NOX4: variants seen among roughly 807,000 people sequenced by gnomAD.
NOX4 encodes NADPH oxidase 4, also known as kidney oxidase-1.
In NOX4, 69 loss-of-function variants were observed where a neutral mutation model predicts 87.6. The observed-to-expected ratio is 0.79, with a 90% confidence interval of 0.65 to 0.96. The LOEUF is 0.96. NOX4 is among the 40% of genes least tolerant of loss of function. The pLI, the probability that NOX4 is intolerant of heterozygous loss-of-function variation, is 0.00. For synonymous variants in NOX4, 275 were observed against 238.2 expected (o/e 1.15, Z -1.42); for missense variants, 680 against 681.5 (o/e 1.00, Z 0.02).
At chr11:89,488,901 GGTTTTTCCATTATATT>G in intron 2 of NOX4, 1 of 652,410 alleles carries the variant, frequency 1.5e-6, no homozygotes, top group South Asian at 1.7e-5. Context: ...TTTATTTGTT[GGTTTTTCCATTATATT>G]GTAAGCAACT....
At chr11:89,550,084 A>G in the NOX4 span, among the ~76,000 whole-genome samples, 1 of 152,250 alleles carries the variant, frequency 6.6e-6, no homozygotes, top group South Asian at 2.1e-4. Context: ...ACCATCTTTC[A>G]CAATGCTGGA....
intron 8 of NOX4, among the ~76,000 whole-genome samples, chr11:89,403,921 T>C (rs1418899836): frequency 2.0e-5 from 3 of 152,186 alleles, no homozygotes; most frequent in Non-Finnish European, 2.9e-5. Flanking sequence ...TCTTTGCTTA[T>C]GCTCACTTCC....
chr11:89,511,967 T>C, the NOX4 span, among the ~76,000 whole-genome samples: 3 of 152,086 alleles, frequency 2.0e-5, no homozygotes, highest in African/African-American at 7.2e-5. Context: ...TGTTTGCAGA[T>C]TACAGATGTA....
chr11:89,362,214 A>C (rs1938581385), intron 12 of NOX4, among the ~76,000 whole-genome samples: 1 of 151,642 alleles, frequency 6.6e-6, no homozygotes. Context: ...TAGCTAATCC[A>C]ACCTGAAACA....
intron 7 of NOX4, 51 bp from the exon 8 acceptor site, chr11:89,422,033 T>C (rs1386808320): frequency 2.0e-6 from 2 of 977,166 alleles, no homozygotes; most frequent in Non-Finnish European, 3.1e-6. Flanking sequence ...TCCATCTTAC[T>C]AAAAATATCA....
intron 6 of NOX4, among the ~76,000 whole-genome samples, chr11:89,438,384 T>TTATA (rs1273460962): frequency 8.8e-6 from 1 of 113,252 alleles, no homozygotes; most frequent in African/African-American, 3.6e-5. Flanking sequence ...TAATATATAA[T>TTATA]ATATAATTAT....
chr11:89,509,877 G>A, the NOX4 span, among the ~76,000 whole-genome samples: 10 of 151,954 alleles, frequency 6.6e-5, no homozygotes, highest in African/African-American at 2.2e-4. Context: ...GATGAAAAAT[G>A]TCCACTCAAA....
chr11:89,490,471 TG>T lies in NOX4; in HGVS notation c.139del (p.His47ThrfsTer6). On this transcript the variant is annotated frameshift_variant, in exon 2 of 18. Coordinates refer to ENST00000263317, the MANE Select transcript of NOX4 (RefSeq NM_016931.5). LOFTEE classifies it high-confidence loss of function. Reference sequence around the variant, plus strand: ...CACCTTACTTACCCCCAACATCTGGTGGAGGTAGTGATACTCTGGCCCTTGG... The same window carrying T: ...CACCTTACTTACCCCCAACATCTGGTGAGGTAGTGATACTCTGGCCCTTGG... ...YNQGPEYHYL[H>X]QMLGLGLCLS... The T allele has an allele frequency of 6.2e-7, 1 of 1,612,078 alleles. No individual in the cohort carries two copies. Among genetic ancestry groups the T allele is most frequent in the Non-Finnish European group, 8.5e-7 (1 of 1,178,196 alleles).
At chr11:89,355,144 T>C in intron 12 of NOX4, 101 bp from the exon 13 acceptor site, 5 of 829,490 alleles carry the variant, frequency 6.0e-6, no homozygotes. Flanking sequence ...GTTAGACATT[T>C]TGACTGTATA....
At chr11:89,403,170 C>T (rs1429065748) in intron 8 of NOX4, among the ~76,000 whole-genome samples, 1 of 152,092 alleles carries the variant, frequency 6.6e-6, no homozygotes, top group Non-Finnish European at 1.5e-5. Flanking sequence ...GAGCCCACAC[C>T]ATAAAAATCT....
At chr11:89,489,768 C>T (rs539826875) in intron 2 of NOX4, among the ~76,000 whole-genome samples, 5 of 148,108 alleles carry the variant, frequency 3.4e-5, no homozygotes, top group African/African-American at 4.9e-5. Flanking sequence ...AAAAAGAAAA[C>T]GCAATCTCCT....
chr11:89,474,150 G>A (rs149205392), intron 2 of NOX4, among the ~76,000 whole-genome samples: 4 of 151,924 alleles, frequency 2.6e-5, no homozygotes, highest in East Asian at 3.9e-4. Flanking sequence ...TTACTTTTGC[G>A]CCAACCTATT....
At chr11:89,565,365 ACTT>A in the NOX4 span, among the ~76,000 whole-genome samples, 8 of 152,274 alleles carry the variant, frequency 5.3e-5, no homozygotes, top group East Asian at 9.6e-4. Flanking sequence ...TCCTTGCTAA[ACTT>A]CTTAATAATC....
the NOX4 span, among the ~76,000 whole-genome samples, chr11:89,543,060 A>G: frequency 8.4e-4 from 128 of 152,294 alleles, no homozygotes; most frequent in African/African-American, 3.0e-3. Flanking sequence ...TAATTTCAAC[A>G]CTATAAATAA....
the NOX4 span, among the ~76,000 whole-genome samples, chr11:89,509,208 A>G: frequency 6.6e-6 from 1 of 151,310 alleles, no homozygotes; most frequent in Non-Finnish European, 1.5e-5. Flanking sequence ...GCCAAAATAT[A>G]TTGGAAGTTC....
chr11:89,434,700 G>A lies in NOX4; in HGVS notation c.476-1844C>T, dbSNP rs186334276. Among the ~76,000 whole-genome samples, 449 of 151,858 alleles carry A rather than the reference G, an allele frequency of 3.0e-3. 1 individual carries two copies. Among genetic ancestry groups the A allele is most frequent in the African/African-American group, 8.9e-3 (369 of 41,422 alleles). On this transcript the variant is annotated intron_variant, in intron 6 of 17. Transcript: ENST00000263317. ...TTTTTAACAGTCAAAGTCTATAAAC[G>A]ACTCTGATATTCATCAACAGATTAA...
chr11:89,402,483 T>C lies in NOX4; in HGVS notation c.689A>G (p.Asn230Ser), dbSNP rs182332406. 1.1e-5 allele frequency: 18 copies of C among 1,612,530 alleles called. No homozygotes were observed. The African/African-American group carries it at 2.3e-4, about 20-fold the overall frequency. The change falls in exon 9 of 18, where the codon AAC becomes AGC. Residue 230 changes from asparagine (N) to serine (S), a missense_variant. Transcript: ENST00000263317. Reference protein sequence around the residue: ...DTHPPGCISLNRTSSQNISLP... With the variant: ...DTHPPGCISLSRTSSQNISLP... ...GGAAATATTCTGAGAGCTGGTTCGG[T>C]TAAGACTGATGCAGCCGGGAGGGTG...
At chr11:89,367,186 T>C (rs1351650408) in intron 12 of NOX4, among the ~76,000 whole-genome samples, 2 of 152,154 alleles carry the variant, frequency 1.3e-5, no homozygotes, top group South Asian at 2.1e-4. Flanking sequence ...ACAAAGCATA[T>C]ATACTTTAAG....
intron 4 of NOX4, among the ~76,000 whole-genome samples, chr11:89,447,952 C>T (rs1427954084): frequency 1.3e-5 from 2 of 152,078 alleles, no homozygotes; most frequent in African/African-American, 4.8e-5. Flanking sequence ...CAATGCTTGG[C>T]AATTTTTTAC....
Sources: gnomAD v4.1 joint callset for allele counts (sites outside exome capture counted in the v4.1 genomes callset) on GRCh38, gnomAD v4.1.1 for gene constraint, MANE v1.5 for transcripts, NCBI Gene and HGNC (gene_info 2026-07-23, HGNC 2026-07-21) for gene names.